MAGI2: variants seen among roughly 807,000 people sequenced by gnomAD.
MAGI2 encodes the protein membrane associated guanylate kinase, WW and PDZ domain containing 2, also known as membrane-associated guanylate kinase, WW and PDZ domain-containing protein 2.
A neutral mutation model predicts 133.3 loss-of-function variants in MAGI2; 35 were observed. That is an observed-to-expected ratio of 0.26 (90% confidence interval 0.20 to 0.35). The LOEUF (loss-of-function observed/expected upper bound fraction) is 0.35. MAGI2 is among the 10% of genes least tolerant of loss of function. The pLI is 1.00. For missense variants in MAGI2, 1,636 were observed against 1,863.4 expected, an observed-to-expected ratio of 0.88 and a Z score of 2.25; for synonymous variants, 729 against 710.6, an observed-to-expected ratio of 1.03 and a Z score of -0.41.
chr7:78,549,406 G>T (rs921749052), intron 3 of MAGI2, among the ~76,000 whole-genome samples: 1 of 151,510 alleles, frequency 6.6e-6, no homozygotes, highest in African/African-American at 2.4e-5. Context: ...CTGCATTCTA[G>T]ATAAGAATTA....
chr7:79,181,407 A>G lies in MAGI2; in HGVS notation c.302-174201T>C, dbSNP rs527267777. ...GAAGCTACCAAGACTTGGGGCTTGT[A>G]TCATCCAAAACTGCAGCCCAAGCTC... On this transcript the variant is annotated intron_variant, in intron 1 of 21. Transcript: ENST00000354212. Among the ~76,000 whole-genome samples the G allele has an allele frequency of 1.7e-3, 262 of 152,092 alleles. 4 individuals are homozygous for G. Among genetic ancestry groups the G allele is most frequent in the African/African-American group, 5.7e-3 (238 of 41,414 alleles).
intron 5 of MAGI2, 77 bp downstream of exon 5, chr7:78,501,500 C>G: frequency 1.7e-6 from 1 of 589,256 alleles, no homozygotes; most frequent in South Asian, 3.7e-5. Context: ...TTTTTTTTTT[C>G]CACGTCTAAC....
At chr7:78,765,574 C>G (rs1019336533) in intron 2 of MAGI2, among the ~76,000 whole-genome samples, 1 of 151,904 alleles carries the variant, frequency 6.6e-6, no homozygotes, top group African/African-American at 2.4e-5. Context: ...GTCTCGAACT[C>G]CTGACCTTGT....
At chr7:79,397,727 T>C (rs560620934) in intron 1 of MAGI2, among the ~76,000 whole-genome samples, 21 of 152,296 alleles carry the variant, frequency 1.4e-4, no homozygotes, top group African/African-American at 5.1e-4. Flanking sequence ...TTTGCTTTCA[T>C]AAATTGCTTC....
chr7:78,102,063 T>C (rs1042789563), intron 20 of MAGI2, among the ~76,000 whole-genome samples: 1 of 152,188 alleles, frequency 6.6e-6, no homozygotes, highest in Non-Finnish European at 1.5e-5. Context: ...ACAATGTGAA[T>C]GAACTTGGAG....
chr7:79,408,746 T>TGG (rs34044032), intron 1 of MAGI2, among the ~76,000 whole-genome samples: 79 of 151,908 alleles, frequency 5.2e-4, no homozygotes, highest in African/African-American at 1.6e-3. Flanking sequence ...AAAAAAGAGA[T>TGG]GGGGGGGTCA....
chr7:78,702,486 G>A (rs73147058), intron 2 of MAGI2, among the ~76,000 whole-genome samples: 7,568 of 151,918 alleles, frequency 0.05, 275 homozygotes, highest in Non-Finnish European at 0.077. Context: ...TTGAAATGAG[G>A]ATAATACTAG....
rs139576395 is a variant in MAGI2 at position 79,011,476 on chromosome 7, A to G, written c.302-4270T>C. Among the ~76,000 whole-genome samples the G allele has an allele frequency of 1.1e-4, 16 of 152,264 alleles. No homozygotes were observed. In the East Asian group the frequency reaches 3.1e-3, roughly 29 times the overall value. ...TGTCTGGTTGCTAGTAGTCCCATCTAGTAAAGTAGTGTCATCTCTCACTCA... is the reference window on the plus strand; with the variant it reads ...TGTCTGGTTGCTAGTAGTCCCATCTGGTAAAGTAGTGTCATCTCTCACTCA... On this transcript the variant is annotated intron_variant, in intron 1 of 21. Coordinates refer to ENST00000354212, the MANE Select transcript of MAGI2 (RefSeq NM_012301.4).
At chr7:78,949,515 A>T (rs1412435550) in intron 2 of MAGI2, among the ~76,000 whole-genome samples, 1 of 152,194 alleles carries the variant, frequency 6.6e-6, no homozygotes, top group Non-Finnish European at 1.5e-5. Context: ...TAAAGAAAGC[A>T]TGCTTGAAAT....
At chr7:78,156,447 G>A (rs893580655) in intron 16 of MAGI2, among the ~76,000 whole-genome samples, 4 of 152,200 alleles carry the variant, frequency 2.6e-5, no homozygotes, top group African/African-American at 9.7e-5. Flanking sequence ...GAGTGAGCTG[G>A]TGGAATGAAA....
chr7:78,676,840 GTA>G (rs1187152776), intron 2 of MAGI2, among the ~76,000 whole-genome samples: 5 of 151,990 alleles, frequency 3.3e-5, no homozygotes, highest in African/African-American at 1.2e-4. Flanking sequence ...TAAATAATGA[GTA>G]TGTATTTAAT....
intron 2 of MAGI2, among the ~76,000 whole-genome samples, chr7:78,956,221 T>C (rs553253589): frequency 1.3e-5 from 2 of 152,278 alleles, no homozygotes; most frequent in East Asian, 1.9e-4. Context: ...TTTTCCACAG[T>C]GTAATTTATT....
chr7:78,446,496 T>C (rs1415290523), intron 6 of MAGI2, among the ~76,000 whole-genome samples: 1 of 152,094 alleles, frequency 6.6e-6, no homozygotes, highest in Non-Finnish European at 1.5e-5. Flanking sequence ...CTGAGGCAAA[T>C]AGTTATGAGT....
At chr7:78,125,663 A>C in intron 20 of MAGI2, 31 bp downstream of exon 20, 3 of 1,605,120 alleles carry the variant, frequency 1.9e-6, no homozygotes, top group Non-Finnish European at 2.6e-6. Context: ...TTTCAGAATT[A>C]AGCAATTCTA....
At chr7:78,788,964 G>A (rs1285422482) in intron 2 of MAGI2, among the ~76,000 whole-genome samples, 2 of 152,076 alleles carry the variant, frequency 1.3e-5, no homozygotes, top group Admixed American at 1.3e-4. Flanking sequence ...CTGGGTCGCT[G>A]TCCAGATCTC....
chr7:78,891,191 T>C lies in MAGI2; in HGVS notation c.418+115899A>G, dbSNP rs534522918. Among the ~76,000 whole-genome samples the C allele has an allele frequency of 3.8e-3, 572 of 152,214 alleles. 4 individuals carry two copies. Among genetic ancestry groups the C allele is most frequent in the African/African-American group, 0.013 (548 of 41,546 alleles). On this transcript the variant is annotated intron_variant, in intron 2 of 21. Coordinates refer to ENST00000354212, the MANE Select transcript of MAGI2 (RefSeq NM_012301.4). ...AGACTAAACCAGGAAGAAGTTGAAT[T>C]TCTGAATAGACCAATAACAGGCTCT...
intron 2 of MAGI2, among the ~76,000 whole-genome samples, chr7:78,682,621 A>AAG (rs1815813401): frequency 6.6e-6 from 1 of 152,136 alleles, no homozygotes; most frequent in Non-Finnish European, 1.5e-5. Flanking sequence ...CCAGTCTATC[A>AAG]TTGATGGGCG....
chr7:78,912,954 T>C (rs918712141), intron 2 of MAGI2, among the ~76,000 whole-genome samples: 3 of 151,472 alleles, frequency 2.0e-5, no homozygotes, highest in African/African-American at 7.3e-5. Flanking sequence ...ATAGTTAAGC[T>C]GAATCCTCAA....
chr7:78,501,245 G>C (rs1293443204), intron 5 of MAGI2, among the ~76,000 whole-genome samples: 1 of 152,074 alleles, frequency 6.6e-6, no homozygotes, highest in Non-Finnish European at 1.5e-5. Flanking sequence ...GACAAGACGG[G>C]GGTCTTAGGA....
Sources: gnomAD v4.1 joint callset for allele counts (sites outside exome capture counted in the v4.1 genomes callset) on GRCh38, gnomAD v4.1.1 for gene constraint, MANE v1.5 for transcripts, NCBI Gene and HGNC (gene_info 2026-07-23, HGNC 2026-07-21) for gene names.